Variants in WASHC2C observed in about 807,000 individuals in gnomAD.
WASHC2C encodes the protein WASH complex subunit 2C, also known as Vaccinia Penetration Factor.
In WASHC2C, 73 loss-of-function variants were observed where a neutral mutation model predicts 142.2. The ratio of observed to expected loss-of-function variants is 0.51; its 90% confidence interval spans 0.43 to 0.62. WASHC2C has a LOEUF of 0.62. Among genes scored for constraint, WASHC2C ranks in the 20% least tolerant of loss-of-function variants. WASHC2C has a pLI of 0.00. For synonymous variants in WASHC2C, 337 were observed against 565.5 expected, an observed-to-expected ratio of 0.60 and a Z score of 5.73; for missense variants, 969 against 1,531.7, an observed-to-expected ratio of 0.63 and a Z score of 6.13.
rs528514016 is a variant in WASHC2C at position 45,730,887 on chromosome 10, G to A, written c.291+1861G>A. On this transcript the variant is annotated intron_variant, in intron 3 of 30. Transcript: ENST00000623400. Reference sequence around the variant, plus strand: ...GCCCACCTCGACCTCCCAAAGTGCTGGGATTACAGGCCTGAGCCACGGCGC... The same window carrying A: ...GCCCACCTCGACCTCCCAAAGTGCTAGGATTACAGGCCTGAGCCACGGCGC... Among the ~76,000 whole-genome samples, 101 of 151,960 alleles carry A rather than the reference G, an allele frequency of 6.6e-4. 3 individuals carry two copies. In the South Asian group the frequency reaches 0.021, roughly 31 times the overall value.
rs373973389 is a variant in WASHC2C at position 45,784,419 on chromosome 10, G to C, written c.2479-146G>C. On this transcript the variant is annotated intron_variant, in intron 23 of 30. Transcript: ENST00000623400. ...TTTGTCAATGTTTCATTCCCCTACT[G>C]AGTGGCTTTTAGGCTGTGGCCAGCC... The C allele has an allele frequency of 3.1e-3, 2,501 of 801,578 alleles. 57 individuals are homozygous for C. In the East Asian group the frequency reaches 0.039, roughly 13 times the overall value. 49.7% of individuals were successfully genotyped at this position (801,578 alleles called of 1,614,324 possible). A position where few individuals can be genotyped will look rare whatever the true frequency, so the allele number is the denominator to read the frequency against.
chr10:45,744,176 A>G (rs567200302), intron 6 of WASHC2C, among the ~76,000 whole-genome samples: 3,277 of 147,216 alleles, frequency 0.022, 26 homozygotes, highest in East Asian at 0.035. Flanking sequence ...CTCCTACCTC[A>G]GCCTCCTGAG....
At chr10:45,736,262 T>C (rs1226633150) in intron 3 of WASHC2C, among the ~76,000 whole-genome samples, 1 of 150,564 alleles carries the variant, frequency 6.6e-6, no homozygotes, top group Admixed American at 6.6e-5. Context: ...AAAAATTAGC[T>C]GGGCATGGTG....
intron 7 of WASHC2C, among the ~76,000 whole-genome samples, chr10:45,745,647 G>A (rs1424635115): frequency 1.3e-5 from 2 of 151,604 alleles, no homozygotes; most frequent in Non-Finnish European, 2.9e-5. Context: ...CAAAAGCAGT[G>A]CTCATTAGGG....
At chr10:45,732,828 T>G (rs532371240) in intron 3 of WASHC2C, among the ~76,000 whole-genome samples, 586 of 152,396 alleles carry the variant, frequency 3.8e-3, no homozygotes, top group African/African-American at 0.013. Flanking sequence ...TCTACTTTTC[T>G]ATTGAAGAAA....
intron 26 of WASHC2C, 70 bp downstream of exon 26, chr10:45,785,701 A>G: frequency 6.2e-7 from 1 of 1,610,136 alleles, no homozygotes; most frequent in Non-Finnish European, 8.5e-7. Context: ...CATTATGCAG[A>G]CCCACAGTTA....
At chr10:45,780,489 C>T (rs2057409518) in intron 23 of WASHC2C, among the ~76,000 whole-genome samples, 1 of 152,034 alleles carries the variant, frequency 6.6e-6, no homozygotes, top group African/African-American at 2.4e-5. Flanking sequence ...CAACCTTGTA[C>T]TGGGGATTCT....
At position 45,758,150 on chromosome 10, in the gene WASHC2C, G is replaced by A. The variant is rs1469571611; in HGVS notation, c.1548+1011G>A. 2.6e-5 allele frequency among the ~76,000 whole-genome samples: 4 copies of A among 152,080 alleles called. No homozygotes were observed. In the South Asian group the frequency reaches 6.2e-4, roughly 24 times the overall value. ...ATTATTTTCCTATGAATAGATTCAG[G>A]GTGAGAAGTTTTGGCAAGAATACAA... On this transcript the variant is annotated intron_variant, in intron 16 of 30. Coordinates refer to ENST00000623400, the MANE Select transcript of WASHC2C (RefSeq NM_001330074.2).
At chr10:45,730,247 T>A (rs2134018934) in intron 3 of WASHC2C, among the ~76,000 whole-genome samples, 1 of 124,592 alleles carries the variant, frequency 8.0e-6, no homozygotes, top group South Asian at 2.8e-4. Context: ...TTGGGAAGGC[T>A]GAGGCAGGAG....
At chr10:45,770,125 C>T (rs1554884082) in intron 20 of WASHC2C, among the ~76,000 whole-genome samples, 2 of 151,190 alleles carry the variant, frequency 1.3e-5, no homozygotes, top group African/African-American at 4.9e-5. Flanking sequence ...CCTGTAGTCC[C>T]AGCTACTTGG....
intron 5 of WASHC2C, among the ~76,000 whole-genome samples, chr10:45,740,537 T>C (rs2051877691): frequency 6.6e-6 from 1 of 152,216 alleles, no homozygotes; most frequent in Non-Finnish European, 1.5e-5. Context: ...CGAATAACCA[T>C]TGTAAATGCC....
intron 22 of WASHC2C, 37 bp downstream of exon 22, chr10:45,777,462 C>G: frequency 1.2e-6 from 2 of 1,612,382 alleles, no homozygotes; most frequent in Non-Finnish European, 1.7e-6. Flanking sequence ...ATGCATTTGT[C>G]TCTCGTATGT....
intron 30 of WASHC2C, among the ~76,000 whole-genome samples, chr10:45,790,822 T>C (rs2597007): frequency 6.6e-5 from 10 of 152,218 alleles, no homozygotes; most frequent in African/African-American, 2.4e-4. Context: ...TGACACACCC[T>C]GATGTTATGT....
intron 23 of WASHC2C, among the ~76,000 whole-genome samples, chr10:45,784,289 T>TATATATACACAC (rs1333007505): frequency 1.1e-4 from 2 of 17,718 alleles, no homozygotes; most frequent in Non-Finnish European, 1.4e-4. Flanking sequence ...TATATATATA[T>TATATATACACAC]ACACATATAT....
At chr10:45,790,034 T>A (rs1287400106) in intron 29 of WASHC2C, among the ~76,000 whole-genome samples, 1 of 152,138 alleles carries the variant, frequency 6.6e-6, no homozygotes, top group African/African-American at 2.4e-5. Flanking sequence ...AACAGGGCAA[T>A]GGATAATTAA....
At chr10:45,742,742 G>T (rs1444658156) in intron 5 of WASHC2C, among the ~76,000 whole-genome samples, 1 of 151,972 alleles carries the variant, frequency 6.6e-6, no homozygotes, top group African/African-American at 2.4e-5. Context: ...TATACTAGGA[G>T]GTTGTACCCT....
chr10:45,763,192 T>C (rs1399771152), intron 17 of WASHC2C, among the ~76,000 whole-genome samples, 196 bp from the exon 18 acceptor site: 3 of 152,186 alleles, frequency 2.0e-5, no homozygotes, highest in Admixed American at 6.5e-5. Context: ...TCCTCCTCCT[T>C]AGCGCCACTG....
intron 8 of WASHC2C, among the ~76,000 whole-genome samples, chr10:45,746,935 A>G (rs1474672458): frequency 2.0e-5 from 3 of 152,194 alleles, no homozygotes; most frequent in Non-Finnish European, 1.5e-5. Flanking sequence ...AAACTGAACT[A>G]CTTTGCATGA....
intron 8 of WASHC2C, among the ~76,000 whole-genome samples, chr10:45,747,401 C>T (rs1589671113): frequency 1.3e-5 from 2 of 152,200 alleles, no homozygotes; most frequent in African/African-American, 4.8e-5. Context: ...ACCTTGGCCT[C>T]CCAAAATGCT....
Sources: allele counts gnomAD v4.1 joint callset (sites outside exome capture counted in the v4.1 genomes callset), GRCh38; gene constraint gnomAD v4.1.1; transcripts MANE v1.5; gene names NCBI Gene and HGNC (gene_info 2026-07-23, HGNC 2026-07-21).